Variants in RAI14 observed in about 807,000 individuals in gnomAD.
RAI14 encodes the protein retinoic acid induced 14.
Under a neutral mutation model 115.4 loss-of-function variants are expected in RAI14, and 45 were observed. The ratio of observed to expected loss-of-function variants is 0.39; its 90% CI spans 0.31 to 0.50. The LOEUF (loss-of-function observed/expected upper bound fraction) is 0.50, where lower values mean the gene tolerates loss of function less well. RAI14 is among the 20% of genes least tolerant of loss of function. The pLI is 0.85. For missense variants in RAI14, 939 were observed against 1,131.2 expected, an observed-to-expected ratio of 0.83 and a Z score of 2.44; for synonymous variants, 371 against 415.4, an observed-to-expected ratio of 0.89 and a Z score of 1.30.
intron 2 of RAI14, among the ~76,000 whole-genome samples, chr5:34,754,153 A>C (rs1280614193): frequency 6.6e-6 from 1 of 152,096 alleles, no homozygotes; most frequent in African/African-American, 2.4e-5. Context: ...GGATGTAGGA[A>C]ATATCTCCGT....
intron 1 of RAI14, among the ~76,000 whole-genome samples, chr5:34,676,795 G>C (rs1488758600): frequency 6.6e-6 from 1 of 152,166 alleles, no homozygotes; most frequent in Non-Finnish European, 1.5e-5. Context: ...GTTTTACTAC[G>C]TGATCATTAT....
chr5:34,783,277 G>A (rs888310887), intron 3 of RAI14, among the ~76,000 whole-genome samples: 1 of 152,146 alleles, frequency 6.6e-6, no homozygotes, highest in African/African-American at 2.4e-5. Flanking sequence ...CAAGTAGGTG[G>A]CTGTGTTCAA....
intron 12 of RAI14, among the ~76,000 whole-genome samples, chr5:34,815,068 G>A (rs544944858): frequency 3.1e-4 from 47 of 152,180 alleles, no homozygotes; most frequent in Non-Finnish European, 5.9e-4. Context: ...CCAACAAGGC[G>A]AAACCCTATC....
intron 12 of RAI14, 63 bp downstream of exon 12, chr5:34,814,732 A>G (rs1756001668): frequency 1.6e-6 from 2 of 1,283,826 alleles, no homozygotes; most frequent in Admixed American, 3.4e-5. Context: ...ACTTGCTTTA[A>G]GTTATATAAC....
intron 8 of RAI14, 150 bp downstream of exon 8, chr5:34,811,268 A>G: frequency 1.0e-6 from 1 of 994,204 alleles, no homozygotes; most frequent in East Asian, 2.6e-5. Flanking sequence ...CTGATAATCA[A>G]GAATCTATGT....
chr5:34,703,029 T>G (rs1477557599), intron 2 of RAI14, among the ~76,000 whole-genome samples: 4 of 152,190 alleles, frequency 2.6e-5, no homozygotes. Flanking sequence ...AAAAAGGAAT[T>G]TATTGTAGTA....
At chr5:34,757,675 G>A (rs1748081995) in intron 3 of RAI14, 77 bp downstream of exon 3, 1 of 1,487,114 alleles carries the variant, frequency 6.7e-7, no homozygotes, top group Non-Finnish European at 9.0e-7. Flanking sequence ...AGTATCCATA[G>A]GGGAATTTCA....
chr5:34,757,324 A>G, intron 2 of RAI14, 144 bp from the exon 3 acceptor site: 1 of 914,506 alleles, frequency 1.1e-6, no homozygotes, highest in Non-Finnish European at 1.8e-6. Flanking sequence ...GGTGAAGGGG[A>G]AGGTATTTTA....
intron 3 of RAI14, among the ~76,000 whole-genome samples, chr5:34,784,124 A>T (rs1752005380): frequency 6.6e-6 from 1 of 152,246 alleles, no homozygotes; most frequent in African/African-American, 2.4e-5. Context: ...AGCTTCTTTC[A>T]TCATTTTCAA....
At chr5:34,762,041 G>A (rs1440113704) in intron 3 of RAI14, among the ~76,000 whole-genome samples, 2 of 152,172 alleles carry the variant, frequency 1.3e-5, no homozygotes, top group African/African-American at 4.8e-5. Flanking sequence ...GCTCCCTAAG[G>A]ACAGGGATGG....
chr5:34,771,588 A>G (rs192361950), intron 3 of RAI14, among the ~76,000 whole-genome samples: 285 of 152,326 alleles, frequency 1.9e-3, no homozygotes, highest in African/African-American at 6.6e-3. Context: ...GAGTTTTTGA[A>G]TAGCAACAGT....
intron 6 of RAI14, 65 bp downstream of exon 6, chr5:34,807,922 T>C (rs1249723046): frequency 7.3e-5 from 93 of 1,274,490 alleles, no homozygotes; most frequent in Non-Finnish European, 9.8e-5. Context: ...TTTTTCCTTA[T>C]TCAGGCCATT....
intron 3 of RAI14, among the ~76,000 whole-genome samples, chr5:34,768,568 GGT>G (rs1278389576): frequency 6.6e-6 from 1 of 152,116 alleles, no homozygotes; most frequent in African/African-American, 2.4e-5. Flanking sequence ...GGAGTCTGGG[GGT>G]GTGTCAGTGA....
At position 34,716,134 on chromosome 5, in the gene RAI14, G is replaced by C. The variant is rs564942002; in HGVS notation, c.36+29179G>C. 197 of 424,160 alleles carry C rather than the reference G, an allele frequency of 4.6e-4. 1 individual carries two copies. Among genetic ancestry groups the C allele is most frequent in the Non-Finnish European group, 6.7e-4 (146 of 217,892 alleles). 26.3% of individuals were successfully genotyped at this position (424,160 alleles called of 1,614,324 possible). ...TGCAGTTATTTGTGGCAAAAGACAAGGCAAATAGGCAAATATTCGGTATTA... is the reference window on the plus strand; with the variant it reads ...TGCAGTTATTTGTGGCAAAAGACAACGCAAATAGGCAAATATTCGGTATTA... On this transcript the variant is annotated intron_variant, in intron 2 of 17. Transcript: ENST00000265109.
At chr5:34,810,421 C>T (rs9292564) in intron 7 of RAI14, among the ~76,000 whole-genome samples, 2,215 of 152,148 alleles carry the variant, frequency 0.015, 57 homozygotes, top group African/African-American at 0.051. Flanking sequence ...TCCTTTTTCC[C>T]AAAGGGGTTG....
Position 34,829,740 on chromosome 5 carries a change from G to C in RAI14, c.2808G>C (p.Lys936Asn). 6.2e-7 allele frequency: 1 copy of C among 1,610,640 alleles called. No homozygotes were observed. The highest frequency in any genetic ancestry group is 8.5e-7 in the Non-Finnish European group (1 of 1,177,730). ...AAATATTCCCTTTCTAGGAATGCAA[G>C]AAACAACACCAGGAGGTCATATCAG... ...KQLQNQLAEC[K>N]KQHQEVISVY... The change falls in exon 17 of 18, where the codon AAG becomes AAC. Residue 936 changes from lysine to asparagine, a missense_variant. By Grantham distance (94) the Lys-to-Asn change is moderately conservative. Coordinates refer to ENST00000265109, the MANE Select transcript of RAI14 (RefSeq NM_015577.3).
rs774795545 is a variant in RAI14, at chr5:34,785,799, C to G, written c.168-10140C>G. ...CACTTTTCCCCATTCCCACATACAG[C>G]ACAATCAGGAGCTGTACTATATGCT... is the stretch of plus-strand genomic sequence containing the variant. On this transcript the variant is annotated intron_variant, in intron 3 of 17. Coordinates refer to ENST00000265109, the MANE Select transcript of RAI14 (RefSeq NM_015577.3). 2.0e-5 allele frequency among the ~76,000 whole-genome samples: 3 copies of G among 152,232 alleles called. No individual in the cohort carries two copies. In the East Asian group the frequency reaches 5.8e-4, roughly 29 times the overall value.
Position 34,757,588 on chromosome 5 carries a change from G to A in RAI14, c.157G>A (p.Gly53Ser). The A allele has an allele frequency of 6.2e-7, 1 of 1,611,226 alleles. No homozygotes were observed. Among genetic ancestry groups the A allele is most frequent in the Non-Finnish European group, 8.5e-7 (1 of 1,178,734 alleles). The change falls in exon 3 of 18, where the codon GGC (glycine) becomes AGC (serine). Residue 53 changes from glycine to serine, a missense_variant. Physicochemically the swap from Gly to Ser is moderately conservative, Grantham distance 56. Coordinates refer to ENST00000265109, the MANE Select transcript of RAI14 (RefSeq NM_015577.3). ...GASATKHDSE[G>S]KTAFHLAAAK... ...CAGTGCCACCAAACACGACAGTGAG[G>A]GCAAGACCGCGTAAGCTGAAACACT...
At chr5:34,702,578 A>G (rs1393775686) in intron 2 of RAI14, among the ~76,000 whole-genome samples, 1 of 152,200 alleles carries the variant, frequency 6.6e-6, no homozygotes, top group Non-Finnish European at 1.5e-5. Flanking sequence ...TACCTTAATC[A>G]AGCCCATTAT....
Sources: allele counts gnomAD v4.1 joint callset (sites outside exome capture counted in the v4.1 genomes callset), GRCh38; gene constraint gnomAD v4.1.1; transcripts MANE v1.5; gene names NCBI Gene and HGNC (gene_info 2026-07-23, HGNC 2026-07-21).